The following TJP1 variants were observed in gnomAD, a reference collection of about 807,000 sequenced individuals.
TJP1 encodes tight junction protein ZO-1.
TJP1 carries 43 observed loss-of-function variants against 194.2 expected under a neutral mutation model. The observed-to-expected ratio is 0.22, with a 90% CI of 0.17 to 0.29. The LOEUF is 0.29. Among genes scored for constraint, TJP1 ranks in the 10% least tolerant of loss-of-function variants. TJP1 has a pLI of 1.00. For missense variants in TJP1, 1,971 were observed against 2,185.7 expected (o/e 0.90, Z 1.96); for synonymous variants, 801 against 779.0 (o/e 1.03, Z -0.47).
At chr15:29,767,643 A>G (rs1336768491) in intron 4 of TJP1, among the ~76,000 whole-genome samples, 1 of 151,872 alleles carries the variant, frequency 6.6e-6, no homozygotes, top group Non-Finnish European at 1.5e-5. Flanking sequence ...TCATCTACAT[A>G]TTGTTGCCTC....
At chr15:29,748,564 C>CTTTTTTTTTTT in intron 8 of TJP1, among the ~76,000 whole-genome samples, 1 of 73,356 alleles carries the variant, frequency 1.4e-5, no homozygotes, top group Non-Finnish European at 2.4e-5. Context: ...CTTCCTAATT[C>CTTTTTTTTTTT]TTTTTTTTTT....
At chr15:29,959,316 C>T (rs10467906) in intron 1 of TJP1, among the ~76,000 whole-genome samples, 13,702 of 151,810 alleles carry the variant, frequency 0.09, 672 homozygotes, top group Middle Eastern at 0.13. Context: ...TTAATTAATG[C>T]AATATTCTCA....
Position 29,761,256 on chromosome 15 carries a change from T to G in TJP1, c.893A>C (p.Asp298Ala). 6.2e-7 allele frequency: 1 copy of G among 1,613,986 alleles called. No individual in the cohort carries two copies. Among genetic ancestry groups the G allele is most frequent in the Non-Finnish European group, 8.5e-7 (1 of 1,179,976 alleles). The change falls in exon 8 of 28, where the codon GAT (aspartate) becomes GCT (alanine). Residue 298 changes from aspartate (D) to alanine (A), a missense_variant. By Grantham distance (126) the Asp-to-Ala change is moderately radical. This residue lies in a region of TJP1 where 192 missense variants were observed against 182.3 expected (regional missense o/e 1.05). Transcript: ENST00000614355. ...DISEIQSLAS[D>A]HSGRSHDRPP... ...CCTATCGTGTGATCGACCAGAATGA[T>G]CTGATGCCAGTGACTGAATTTCTGA...
chr15:29,969,003 C>T (rs867360292), upstream of TJP1: 58 of 147,408 alleles, frequency 3.9e-4, no homozygotes, highest in South Asian at 5.4e-3. Flanking sequence ...GCCCGCAGCT[C>T]CCGCCGCCGC....
intron 2 of TJP1, among the ~76,000 whole-genome samples, chr15:29,835,607 G>A (rs537750669): frequency 5.3e-5 from 8 of 151,468 alleles, no homozygotes; most frequent in Non-Finnish European, 7.4e-5. Context: ...CTATGATCGC[G>A]CCACTGCACT....
chr15:29,734,384 T>TA lies in TJP1; in HGVS notation c.1408-3dup. On this transcript the variant is annotated splice_region_variant and splice_polypyrimidine_tract_variant and intron_variant, in intron 11 of 27. Transcript: ENST00000614355. The stretch of plus-strand genomic sequence containing the variant: ...ATTTGTAAAATCTACGTTGTTTACC[T>TA]AATAAATAAGATTTCATAAATCATT... 1 of 1,595,822 alleles carries TA rather than the reference T, an allele frequency of 6.3e-7. No homozygotes were observed. The highest frequency in any genetic ancestry group is 1.1e-5 in the South Asian group (1 of 89,348).
At chr15:29,744,591 C>T (rs1352593963) in intron 8 of TJP1, among the ~76,000 whole-genome samples, 5 of 152,056 alleles carry the variant, frequency 3.3e-5, no homozygotes, top group East Asian at 3.9e-4. Flanking sequence ...CAAAGTATCA[C>T]GTATATATGG....
intron 15 of TJP1, chr15:29,728,236 T>G: frequency 2.2e-6 from 1 of 448,348 alleles, no homozygotes; most frequent in South Asian, 4.2e-5. Context: ...GGAAAAAAAC[T>G]TAGCCATTAA....
upstream of TJP1, chr15:29,823,470 G>A (rs1343967553): frequency 6.6e-6 from 1 of 152,184 alleles, no homozygotes; most frequent in African/African-American, 2.4e-5. Context: ...CATCTTTAAA[G>A]TATCTGGTAT....
chr15:29,937,631 A>T (rs2054927489), intron 2 of TJP1, among the ~76,000 whole-genome samples: 1 of 152,206 alleles, frequency 6.6e-6, no homozygotes, highest in Non-Finnish European at 1.5e-5. Context: ...AACCTAAAGC[A>T]GACAACACGG....
At chr15:29,828,566 C>A (rs2050742043) in intron 2 of TJP1, among the ~76,000 whole-genome samples, 1 of 152,160 alleles carries the variant, frequency 6.6e-6, no homozygotes, top group South Asian at 2.1e-4. Flanking sequence ...ATTTTGTTTC[C>A]TCCTCTCCCC....
At chr15:29,760,374 T>C (rs1343223549) in intron 8 of TJP1, 15 of 637,206 alleles carry the variant, frequency 2.4e-5, no homozygotes, top group Non-Finnish European at 4.0e-5. Flanking sequence ...GCATAAATAC[T>C]AGTGTTTTGT....
intron 2 of TJP1, among the ~76,000 whole-genome samples, chr15:29,909,487 T>C (rs1047190805): frequency 2.0e-5 from 3 of 152,082 alleles, no homozygotes; most frequent in South Asian, 4.2e-4. Context: ...GAATTGAAAG[T>C]TGGCTCAAAG....
At chr15:29,916,079 T>G (rs752945289) in intron 2 of TJP1, among the ~76,000 whole-genome samples, 73 of 151,936 alleles carry the variant, frequency 4.8e-4, no homozygotes, top group Non-Finnish European at 7.1e-4. Flanking sequence ...ACCCCGCCTC[T>G]ACAAAAAATA....
intron 2 of TJP1, among the ~76,000 whole-genome samples, chr15:29,795,860 A>T (rs1249696052): frequency 6.6e-6 from 1 of 152,194 alleles, no homozygotes; most frequent in Non-Finnish European, 1.5e-5. Context: ...ACAAACAACA[A>T]GAAATCCACC....
chr15:29,950,316 C>G (rs1046609320), intron 2 of TJP1, among the ~76,000 whole-genome samples: 4 of 151,506 alleles, frequency 2.6e-5, no homozygotes, highest in African/African-American at 9.7e-5. Context: ...ACCACCACCT[C>G]CTTCACCACC....
intron 2 of TJP1, among the ~76,000 whole-genome samples, chr15:29,940,128 C>T (rs565099166): frequency 3.4e-4 from 51 of 152,210 alleles, no homozygotes; most frequent in Admixed American, 6.5e-4. Flanking sequence ...AAGTCAGGTT[C>T]GGAGGAATGG....
chr15:29,717,429 A>G (rs901302295), intron 22 of TJP1, among the ~76,000 whole-genome samples: 1 of 152,240 alleles, frequency 6.6e-6, no homozygotes, highest in African/African-American at 2.4e-5. Flanking sequence ...ATTCAAATCT[A>G]ATCTGTCACT....
chr15:29,872,684 A>G (rs1024502461), intron 2 of TJP1, among the ~76,000 whole-genome samples: 1 of 152,224 alleles, frequency 6.6e-6, no homozygotes, highest in African/African-American at 2.4e-5. Flanking sequence ...CGTTAGAAGC[A>G]TCTACTGCAT....
Sources: gnomAD v4.1 joint callset for allele counts (sites outside exome capture counted in the v4.1 genomes callset) on GRCh38, gnomAD v4.1.1 for gene constraint, gnomAD v4.1.1 regional missense constraint, MANE v1.5 for transcripts, NCBI Gene and HGNC (gene_info 2026-07-23, HGNC 2026-07-21) for gene names.